The following ATP8A2 variants were observed in gnomAD, a reference collection of about 807,000 sequenced individuals.
ATP8A2 encodes ATPase phospholipid transporting 8A2.
ATP8A2 carries 100 observed loss-of-function variants against 165.6 expected under a neutral mutation model. That is an observed-to-expected ratio of 0.60 (90% CI 0.51 to 0.71). The LOEUF (loss-of-function observed/expected upper bound fraction) is 0.71, where lower values mean the gene tolerates loss of function less well. Among genes scored for constraint, ATP8A2 ranks in the 30% least tolerant of loss-of-function variants. ATP8A2 has a pLI of 0.00. For missense variants in ATP8A2, 1,227 were observed against 1,479.5 expected (o/e 0.83, Z 2.80); for synonymous variants, 543 against 548.8 (o/e 0.99, Z 0.15).
At chr13:25,491,653 T>C (rs77743155) in intron 2 of ATP8A2, among the ~76,000 whole-genome samples, 156 of 152,354 alleles carry the variant, frequency 1.0e-3, no homozygotes, top group Non-Finnish European at 1.9e-3. Flanking sequence ...ACATCTAACA[T>C]TTAAGATAGC....
At chr13:25,784,302 A>G (rs1222873101) in intron 27 of ATP8A2, among the ~76,000 whole-genome samples, 1 of 152,094 alleles carries the variant, frequency 6.6e-6, no homozygotes, top group Non-Finnish European at 1.5e-5. Context: ...GAACTTTGAG[A>G]GGTCAGCCCT....
chr13:25,794,854 CA>C (rs1950465663), intron 27 of ATP8A2, among the ~76,000 whole-genome samples: 1 of 151,486 alleles, frequency 6.6e-6, no homozygotes, highest in African/African-American at 2.4e-5. Context: ...CACACACACA[CA>C]CACACCTTCT....
chr13:25,484,722 G>T (rs1052558220), intron 2 of ATP8A2, among the ~76,000 whole-genome samples: 1 of 151,374 alleles, frequency 6.6e-6, no homozygotes, highest in African/African-American at 2.4e-5. Context: ...TCACTATGTT[G>T]GCCAGGCTAG....
At chr13:25,860,074 G>A (rs187583877) in intron 30 of ATP8A2, 121 bp from the exon 31 acceptor site, 3 of 581,050 alleles carry the variant, frequency 5.2e-6, no homozygotes, top group Non-Finnish European at 3.2e-6. Flanking sequence ...TCACAGGATG[G>A]GATTTTGAAA....
intron 35 of ATP8A2, among the ~76,000 whole-genome samples, chr13:26,010,758 G>A (rs530168213): frequency 3.7e-4 from 57 of 152,380 alleles, no homozygotes; most frequent in African/African-American, 1.3e-3. Flanking sequence ...ATGGAAGAAA[G>A]AGGAGACGGG....
intron 1 of ATP8A2, among the ~76,000 whole-genome samples, chr13:25,462,064 T>C (rs2035519690): frequency 6.6e-6 from 1 of 152,242 alleles, no homozygotes; most frequent in Admixed American, 6.5e-5. Context: ...ACCTGTTCTA[T>C]TAAAGGAGAA....
At chr13:26,019,710 C>T (rs796120170) in intron 36 of ATP8A2, among the ~76,000 whole-genome samples, 178 bp from the exon 37 acceptor site, 6 of 152,268 alleles carry the variant, frequency 3.9e-5, no homozygotes, top group African/African-American at 9.6e-5. Flanking sequence ...TGCACACGGC[C>T]GCCACGGCCC....
At chr13:25,954,714 C>A (rs1955478010) in intron 33 of ATP8A2, among the ~76,000 whole-genome samples, 1 of 152,176 alleles carries the variant, frequency 6.6e-6, no homozygotes, top group African/African-American at 2.4e-5. Flanking sequence ...GATACCCAGA[C>A]AAACACCTCC....
chr13:25,422,691 T>C (rs996696066), intron 1 of ATP8A2, among the ~76,000 whole-genome samples: 1 of 152,150 alleles, frequency 6.6e-6, no homozygotes, highest in Non-Finnish European at 1.5e-5. Context: ...GCAATGGGAA[T>C]GTACATGCCA....
At chr13:25,455,205 A>G (rs1347361062) in intron 1 of ATP8A2, among the ~76,000 whole-genome samples, 1 of 152,198 alleles carries the variant, frequency 6.6e-6, no homozygotes, top group East Asian at 1.9e-4. Context: ...GACTGTCAGC[A>G]CAGAAAAAGG....
At chr13:26,003,979 C>G (rs1000648382) in intron 35 of ATP8A2, among the ~76,000 whole-genome samples, 2 of 152,022 alleles carry the variant, frequency 1.3e-5, no homozygotes, top group Admixed American at 6.6e-5. Context: ...TCTTAGTGCT[C>G]AAGATTGTTT....
At chr13:25,939,292 T>C (rs1955002299) in intron 33 of ATP8A2, among the ~76,000 whole-genome samples, 1 of 152,226 alleles carries the variant, frequency 6.6e-6, no homozygotes, top group Non-Finnish European at 1.5e-5. Flanking sequence ...GAGGCAGTGC[T>C]TTCCTTTTAG....
chr13:25,696,245 A>C (rs1405234791), intron 24 of ATP8A2, among the ~76,000 whole-genome samples: 1 of 152,212 alleles, frequency 6.6e-6, no homozygotes, highest in Non-Finnish European at 1.5e-5. Context: ...GGTGTTAGCC[A>C]GGCTTTGTTT....
In ATP8A2 at chr13:26,023,064, G is replaced by GA. The variant is rs1022096541; in HGVS notation, c.*3083dup. On this transcript the variant is annotated 3_prime_UTR_variant, in exon 37 of 37. Transcript: ENST00000381655. ...ACACGTGCCAGCAAGGGTAGCTGTG[G>GA]AAAACACGTATCAGGAGAGCAGAGT... 4.6e-5 allele frequency: 7 copies of GA among 152,310 alleles called. No individual in the cohort carries two copies. Among genetic ancestry groups the GA allele is most frequent in the African/African-American group, 1.7e-4 (7 of 41,560 alleles). The allele number at this position is 152,310 out of a possible 1,614,324, so 9.4% of individuals were successfully genotyped here.
At chr13:25,990,835 C>T (rs1178405267) in intron 35 of ATP8A2, among the ~76,000 whole-genome samples, 1 of 152,186 alleles carries the variant, frequency 6.6e-6, no homozygotes, top group African/African-American at 2.4e-5. Context: ...CTTGGTGACA[C>T]CCAGGCCTTT....
intron 24 of ATP8A2, among the ~76,000 whole-genome samples, chr13:25,624,943 A>G (rs2137478077): frequency 6.6e-6 from 1 of 152,350 alleles, no homozygotes. Flanking sequence ...AAAGTTTTTT[A>G]CATAGGAATT....
chr13:25,583,387 G>T (rs2138253095), intron 23 of ATP8A2, among the ~76,000 whole-genome samples: 1 of 152,220 alleles, frequency 6.6e-6, no homozygotes, highest in East Asian at 1.9e-4. Context: ...GAAAAAAGTG[G>T]ATAACCCCTC....
At chr13:25,496,827 T>C (rs1043736053) in intron 2 of ATP8A2, among the ~76,000 whole-genome samples, 1 of 152,228 alleles carries the variant, frequency 6.6e-6, no homozygotes, top group African/African-American at 2.4e-5. Context: ...GCTGTGCTTT[T>C]GTACTAGAGT....
rs1246638374 is a variant in ATP8A2, at chr13:25,541,998, A to G, written c.731A>G (p.Asn244Ser). ...GGAACTATAGAGTGTGAAGGGCCCA[A>G]CCGCCACCTCTATGACTTCACTGGA... ...LSGTIECEGPNRHLYDFTGNL... is the reference protein window; with the variant it reads ...LSGTIECEGPSRHLYDFTGNL... Residue 244 changes from asparagine to serine, a missense_variant, in exon 9 of 37, where the codon AAC becomes AGC. By Grantham distance (46) the Asn-to-Ser change is conservative. Transcript: ENST00000381655. The G allele has an allele frequency of 6.2e-7, 1 of 1,614,070 alleles. No individual in the cohort carries two copies. The highest frequency in any genetic ancestry group is 1.1e-5 in the South Asian group (1 of 91,072).
Sources: allele counts gnomAD v4.1 joint callset (sites outside exome capture counted in the v4.1 genomes callset), GRCh38; gene constraint gnomAD v4.1.1; transcripts MANE v1.5; gene names NCBI Gene and HGNC (gene_info 2026-07-23, HGNC 2026-07-21).